ALG9: variants seen among roughly 807,000 people sequenced by gnomAD.
ALG9 encodes alpha-1,2-mannosyltransferase ALG9.
In ALG9, 55 loss-of-function variants were observed where a neutral mutation model predicts 81.8. The ratio of observed to expected loss-of-function variants is 0.67; its 90% CI spans 0.54 to 0.84. The LOEUF (loss-of-function observed/expected upper bound fraction) is 0.84. ALG9 is among the 40% of genes least tolerant of loss of function. The probability of loss-of-function intolerance (pLI) is 0.00; values close to 1 mark genes in which losing one functional copy is unlikely to be tolerated. For missense variants in ALG9, 629 were observed against 745.0 expected (o/e 0.84, Z 1.81); for synonymous variants, 278 against 274.3 (o/e 1.01, Z -0.13).
chr11:111,770,632 G>A, the ALG9 span, among the ~76,000 whole-genome samples: 5 of 152,102 alleles, frequency 3.3e-5, no homozygotes, highest in Non-Finnish European at 5.9e-5. Flanking sequence ...CCAGGTGTTC[G>A]AGGCTACAGT....
chr11:111,808,139 TTATG>T (rs782639711), intron 14 of ALG9, among the ~76,000 whole-genome samples: 119 of 152,130 alleles, frequency 7.8e-4, no homozygotes, highest in Non-Finnish European at 9.0e-4. Flanking sequence ...CTCCTAGAAA[TTATG>T]TATCAGATAC....
intron 14 of ALG9, among the ~76,000 whole-genome samples, chr11:111,791,271 AT>A (rs1312824164): frequency 6.6e-5 from 10 of 152,256 alleles, no homozygotes; most frequent in African/African-American, 2.4e-4. Context: ...ATGATACATC[AT>A]CATAACTTAG....
At chr11:111,803,198 A>C (rs142821222) in intron 14 of ALG9, among the ~76,000 whole-genome samples, 1,906 of 152,286 alleles carry the variant, frequency 0.013, 148 homozygotes, top group Admixed American at 0.11. Flanking sequence ...TCCACAAAAT[A>C]ATATTGAAGA....
chr11:111,840,098 T>C (rs1259735001), intron 10 of ALG9, among the ~76,000 whole-genome samples: 1 of 152,196 alleles, frequency 6.6e-6, no homozygotes, highest in Non-Finnish European at 1.5e-5. Context: ...GAATTATATC[T>C]CAAAAAACCT....
In ALG9 at chr11:111,857,800, A is replaced by G. The variant is rs1162169133; in HGVS notation, c.566-63T>C. The G allele has an allele frequency of 3.8e-6, 6 of 1,590,400 alleles. No homozygotes were observed. The East Asian group carries it at 1.4e-4, about 36-fold the overall frequency. On this transcript the variant is annotated intron_variant, in intron 5 of 14. Coordinates refer to ENST00000616540, the MANE Select transcript of ALG9 (RefSeq NM_024740.2). ...AGAGCTCGAGGTTAATTAGGTATCAATTAAAAACTGATTAAAAATTTACCT... is the reference window on the plus strand; with the variant it reads ...AGAGCTCGAGGTTAATTAGGTATCAGTTAAAAACTGATTAAAAATTTACCT...
intron 3 of ALG9, among the ~76,000 whole-genome samples, chr11:111,866,090 T>C (rs1962319196): frequency 6.6e-6 from 1 of 151,850 alleles, no homozygotes; most frequent in African/African-American, 2.4e-5. Flanking sequence ...AGGTCAGGAG[T>C]TCGAGACCAG....
intron 6 of ALG9, among the ~76,000 whole-genome samples, chr11:111,854,309 G>A (rs1376616832): frequency 6.1e-5 from 8 of 130,132 alleles, no homozygotes; most frequent in Non-Finnish European, 9.3e-5. Flanking sequence ...TCACTCTGTC[G>A]CCCAGGCTGG....
At chr11:111,813,716 A>G (rs1555094024) in intron 13 of ALG9, among the ~76,000 whole-genome samples, 1 of 152,230 alleles carries the variant, frequency 6.6e-6, no homozygotes, top group Admixed American at 6.5e-5. Flanking sequence ...CTTTATAAGA[A>G]TAAACTGAAA....
intron 14 of ALG9, among the ~76,000 whole-genome samples, chr11:111,804,522 T>C (rs1358288943): frequency 6.6e-6 from 1 of 152,070 alleles, no homozygotes; most frequent in African/African-American, 2.4e-5. Context: ...GCCCAGGAGT[T>C]AGAGGTTACA....
At chr11:111,817,933 C>T (rs1951766474) in intron 13 of ALG9, among the ~76,000 whole-genome samples, 1 of 152,104 alleles carries the variant, frequency 6.6e-6, no homozygotes, top group Admixed American at 6.5e-5. Context: ...GGCCCGCCAC[C>T]ACGGCTGGCT....
At chr11:111,787,961 T>C (rs1476047391) in intron 14 of ALG9, among the ~76,000 whole-genome samples, 2 of 152,152 alleles carry the variant, frequency 1.3e-5, no homozygotes, top group East Asian at 3.9e-4. Context: ...CATTATGGTT[T>C]ATCATGCATC....
At chr11:111,800,288 G>A (rs1555079315) in intron 14 of ALG9, among the ~76,000 whole-genome samples, 1 of 151,888 alleles carries the variant, frequency 6.6e-6, no homozygotes, top group Non-Finnish European at 1.5e-5. Flanking sequence ...AGACCATCCT[G>A]GCTAACATGG....
rs2136159398 is a variant in ALG9 at position 111,782,702 on chromosome 11, AG to A, written c.*3694del. ...GTGAATTCTTATTTCAATAAATCCCAGGAAATGCAAAACACAATAAATGATT... is the reference window on the plus strand; with the variant it reads ...GTGAATTCTTATTTCAATAAATCCCAGAAATGCAAAACACAATAAATGATT... On this transcript the variant is annotated 3_prime_UTR_variant, in exon 15 of 15. Transcript: ENST00000616540. The A allele has an allele frequency of 6.6e-6, 1 of 152,362 alleles. No homozygotes were observed. The highest frequency in any genetic ancestry group is 2.1e-4 in the South Asian group (1 of 4,828). 9.4% of individuals were successfully genotyped at this position (152,362 alleles called of 1,614,324 possible). A position where few individuals can be genotyped will look rare whatever the true frequency, so the allele number is the denominator to read the frequency against.
chr11:111,848,483 A>G lies in ALG9; in HGVS notation c.896-3760T>C, dbSNP rs187541843. 6.7e-3 allele frequency among the ~76,000 whole-genome samples: 1,011 copies of G among 151,620 alleles called. 6 individuals are homozygous for G. The highest frequency in any genetic ancestry group is 0.051 in the Middle Eastern group (15 of 292). ...TGCATGCCTGTAATCCCAGCTACTC[A>G]GGAGGCTGAGGCAAGAGAATTGCTT... On this transcript the variant is annotated intron_variant, in intron 8 of 14. Transcript: ENST00000616540.
chr11:111,778,820 T>TC (rs200382686), downstream of ALG9, among the ~76,000 whole-genome samples: 1,433 of 150,654 alleles, frequency 9.5e-3, 36 homozygotes, highest in African/African-American at 0.033. Flanking sequence ...TCTTTTCTTT[T>TC]TTTTTTTTTT....
intron 5 of ALG9, 194 bp from the exon 6 acceptor site, chr11:111,857,931 AT>A: frequency 1.6e-6 from 1 of 620,714 alleles, no homozygotes; most frequent in Non-Finnish European, 2.7e-6. Context: ...AATGACTCTT[AT>A]TTTTCTCACT....
intron 13 of ALG9, among the ~76,000 whole-genome samples, chr11:111,834,269 C>T (rs536106369): frequency 6.6e-6 from 1 of 152,234 alleles, no homozygotes; most frequent in East Asian, 1.9e-4. Flanking sequence ...AGAAGAGACA[C>T]AAGGGTAGTT....
intron 13 of ALG9, among the ~76,000 whole-genome samples, chr11:111,835,918 T>C (rs574393011): frequency 6.6e-6 from 1 of 152,236 alleles, no homozygotes; most frequent in East Asian, 1.9e-4. Context: ...ACCTGGCTTA[T>C]TTTTTAATTT....
intron 14 of ALG9, among the ~76,000 whole-genome samples, chr11:111,805,719 G>A (rs1266449698): frequency 5.3e-5 from 8 of 152,292 alleles, no homozygotes; most frequent in East Asian, 3.9e-4. Flanking sequence ...CACATGAAAC[G>A]GTAATGGGAG....
Sources: allele counts gnomAD v4.1 joint callset (sites outside exome capture counted in the v4.1 genomes callset), GRCh38; gene constraint gnomAD v4.1.1; transcripts MANE v1.5; gene names NCBI Gene and HGNC (gene_info 2026-07-23, HGNC 2026-07-21).